The following RASSF4 variants were observed in gnomAD, a reference collection of about 807,000 sequenced individuals.
RASSF4 encodes Ras association domain family member 4, also known as ras association domain-containing protein 4.
A neutral mutation model predicts 41.1 loss-of-function variants in RASSF4; 38 were observed. The observed-to-expected ratio is 0.92, with a 90% CI of 0.71 to 1.21. The LOEUF (loss-of-function observed/expected upper bound fraction) is 1.21, where lower values mean the gene tolerates loss of function less well. RASSF4 is among the 50% of genes most tolerant of loss of function. The pLI is 0.00. For synonymous variants in RASSF4, 179 were observed against 163.4 expected (o/e 1.10, Z -0.73); for missense variants, 414 against 419.4 (o/e 0.99, Z 0.11).
chr10:44,962,687 GA>G (rs1364203207), intron 1 of RASSF4, among the ~76,000 whole-genome samples: 5 of 152,186 alleles, frequency 3.3e-5, no homozygotes, highest in South Asian at 4.1e-4. Flanking sequence ...CGTTTGGCCC[GA>G]AAACCATAGC....
At chr10:44,984,669 C>A in intron 5 of RASSF4, 144 bp from the exon 6 acceptor site, 1 of 908,378 alleles carries the variant, frequency 1.1e-6, no homozygotes, top group Non-Finnish European at 1.7e-6. Context: ...AATATCCAGC[C>A]TCCAGTCCAG....
intron 1 of RASSF4, among the ~76,000 whole-genome samples, chr10:44,965,450 A>T (rs1365409394): frequency 6.6e-6 from 1 of 152,240 alleles, no homozygotes; most frequent in African/African-American, 2.4e-5. Flanking sequence ...TTCTTTCAGG[A>T]TGGGCAAGTG....
At chr10:44,969,040 TAA>T (rs1330852896) in intron 1 of RASSF4, among the ~76,000 whole-genome samples, 1 of 151,058 alleles carries the variant, frequency 6.6e-6, no homozygotes, top group Non-Finnish European at 1.5e-5. Context: ...GTGTATGTGT[TAA>T]GTGTGAGTGT....
intron 4 of RASSF4, chr10:44,983,293 A>G: frequency 4.2e-6 from 1 of 240,914 alleles, no homozygotes; most frequent in East Asian, 1.2e-4. Context: ...TATGAAACCC[A>G]TGCTGTGACA....
At chr10:44,965,586 GGA>G (rs1840870840) in intron 1 of RASSF4, among the ~76,000 whole-genome samples, 2 of 152,174 alleles carry the variant, frequency 1.3e-5, no homozygotes, top group Non-Finnish European at 2.9e-5. Flanking sequence ...CTCTCTCAAA[GGA>G]GAGACTCTCT....
chr10:44,991,114 G>T, intron 9 of RASSF4, 45 bp downstream of exon 9: 1 of 1,563,756 alleles, frequency 6.4e-7, no homozygotes. Flanking sequence ...AGGGTGAGGG[G>T]TTCTTGGGTG....
chr10:44,978,099 C>G lies in RASSF4; in HGVS notation c.139-4422C>G. 4 of 1,546,360 alleles carry G rather than the reference C, an allele frequency of 2.6e-6. No homozygotes were observed. In the South Asian group the frequency reaches 4.7e-5, roughly 18 times the overall value. ...CTGGTGGTGAGGGCCTGCCATGCGTCCCACCGCCCCTCAGCGTCACCACAC... is the reference window on the plus strand; with the variant it reads ...CTGGTGGTGAGGGCCTGCCATGCGTGCCACCGCCCCTCAGCGTCACCACAC... On this transcript the variant is annotated intron_variant, in intron 3 of 10. Transcript: ENST00000340258.
intron 1 of RASSF4, among the ~76,000 whole-genome samples, chr10:44,964,087 A>G (rs1224678222): frequency 1.3e-5 from 2 of 152,240 alleles, no homozygotes; most frequent in Admixed American, 1.3e-4. Context: ...ACAAAAAAGG[A>G]AAGACGGCCC....
intron 5 of RASSF4, 115 bp from the exon 6 acceptor site, chr10:44,984,698 C>T (rs1841849664): frequency 2.5e-6 from 3 of 1,178,410 alleles, no homozygotes; most frequent in Non-Finnish European, 3.7e-6. Flanking sequence ...CTCACGTCCC[C>T]ATCTGCCCCA....
At chr10:44,984,609 G>T (rs1373245848) in intron 5 of RASSF4, 3 of 624,434 alleles carry the variant, frequency 4.8e-6, no homozygotes, top group Non-Finnish European at 5.6e-6. Flanking sequence ...ATGTGACATT[G>T]TGACCCAGGT....
chr10:44,992,076 G>A (rs1028784313), intron 10 of RASSF4, 74 bp downstream of exon 10: 24 of 954,196 alleles, frequency 2.5e-5, no homozygotes, highest in African/African-American at 4.9e-5. Flanking sequence ...CACCAGTGCC[G>A]GCTGGGAGGT....
At chr10:44,968,409 C>G (rs1262389674) in intron 1 of RASSF4, among the ~76,000 whole-genome samples, 1 of 152,178 alleles carries the variant, frequency 6.6e-6, no homozygotes, top group Admixed American at 6.5e-5. Context: ...CTGCTGGGGG[C>G]CTGACATCTC....
chr10:44,993,228 G>A (rs368208534), intron 10 of RASSF4, 41 bp from the exon 11 acceptor site: 3 of 1,593,570 alleles, frequency 1.9e-6, no homozygotes, highest in Non-Finnish European at 2.6e-6. Context: ...TCCCTGCCCT[G>A]TCTGGCCTCA....
chr10:44,967,107 C>G (rs1371148511), intron 1 of RASSF4, among the ~76,000 whole-genome samples: 1 of 152,160 alleles, frequency 6.6e-6, no homozygotes, highest in Non-Finnish European at 1.5e-5. Flanking sequence ...AGTGGCTTGT[C>G]ACGGCAGAGG....
chr10:44,967,449 T>C (rs1447423259), intron 1 of RASSF4, among the ~76,000 whole-genome samples: 1 of 152,116 alleles, frequency 6.6e-6, no homozygotes, highest in East Asian at 1.9e-4. Flanking sequence ...CACCTTTCAG[T>C]AGTGAAATAT....
chr10:44,987,246 G>A (rs1043085950), intron 6 of RASSF4, among the ~76,000 whole-genome samples: 4 of 152,074 alleles, frequency 2.6e-5, no homozygotes, highest in African/African-American at 9.7e-5. Context: ...CTACAGGTGC[G>A]CACCACGATG....
intron 3 of RASSF4, chr10:44,978,715 A>AGGGTCCGGCAGG (rs1285332948): frequency 1.3e-5 from 2 of 152,412 alleles, no homozygotes; most frequent in African/African-American, 4.8e-5. Context: ...CGAAGGGTGG[A>AGGGTCCGGCAGG]GGGTCCGGCA....
At chr10:44,982,783 A>T in intron 4 of RASSF4, 120 bp downstream of exon 4, 1 of 1,123,920 alleles carries the variant, frequency 8.9e-7, no homozygotes, top group Non-Finnish European at 1.3e-6. Context: ...AGGGTGACCC[A>T]GCCTCATCCC....
At chr10:44,988,042 C>A (rs1370535838) in intron 6 of RASSF4, among the ~76,000 whole-genome samples, 1 of 152,090 alleles carries the variant, frequency 6.6e-6, no homozygotes, top group African/African-American at 2.4e-5. Flanking sequence ...GCTAGGATCT[C>A]AGAGGAGGAA....
Sources: gnomAD v4.1 joint callset for allele counts (sites outside exome capture counted in the v4.1 genomes callset) on GRCh38, gnomAD v4.1.1 for gene constraint, MANE v1.5 for transcripts, NCBI Gene and HGNC (gene_info 2026-07-23, HGNC 2026-07-21) for gene names.